Variants in IRAK3 observed in about 807,000 individuals in gnomAD.
The protein encoded by IRAK3 is interleukin-1 receptor-associated kinase 3.
A neutral mutation model predicts 56.6 loss-of-function variants in IRAK3; 57 were observed. The ratio of observed to expected loss-of-function variants is 1.01; its 90% CI spans 0.81 to 1.26. The LOEUF (loss-of-function observed/expected upper bound fraction) is 1.26, where lower values mean the gene tolerates loss of function less well. Among genes scored for constraint, IRAK3 ranks in the 50% most tolerant of loss-of-function variants. The pLI is 0.00. For missense variants in IRAK3, 703 were observed against 719.0 expected (o/e 0.98, Z 0.25); for synonymous variants, 258 against 255.7 (o/e 1.01, Z -0.09).
At chr12:66,211,370 C>G in intron 4 of IRAK3, 76 bp from the exon 5 acceptor site, 1 of 1,134,916 alleles carries the variant, frequency 8.8e-7, no homozygotes, top group East Asian at 2.4e-5. Context: ...TGATTTGTTT[C>G]TAATATAGAA....
chr12:66,196,278 ATGTCTATTAAAAACCTTGTTGGGT>A (rs1273201564), intron 1 of IRAK3, among the ~76,000 whole-genome samples: 1 of 152,134 alleles, frequency 6.6e-6, no homozygotes, highest in Non-Finnish European at 1.5e-5. Flanking sequence ...GAATCAACAA[ATGTCTATTAAAAACCTTGTTGGGT>A]TGTCTATTAA....
intron 8 of IRAK3, chr12:66,233,979 T>G: frequency 7.1e-7 from 1 of 1,406,806 alleles, no homozygotes; most frequent in East Asian, 2.3e-5. Context: ...AAATTGTCAA[T>G]AATTTCCTAA....
chr12:66,203,760 T>C lies in IRAK3; in HGVS notation c.183T>C (p.Tyr61=). The C allele has an allele frequency of 6.2e-7, 1 of 1,614,124 alleles. No homozygotes were observed. Among genetic ancestry groups the C allele is most frequent in the Non-Finnish European group, 8.5e-7 (1 of 1,179,988 alleles). The change falls in exon 2 of 12, where the codon TAT becomes TAC. Residue 61 remains tyrosine, a synonymous_variant. Coordinates refer to ENST00000261233, the MANE Select transcript of IRAK3 (RefSeq NM_007199.3). The part of the protein sequence containing the change: ...SWLDVRHIEK[Y]VDQGKSGTRE... ...TGGATGTTCGTCATATTGAAAAGTATGTAGACCAAGGTAAAAGTGGAACAA... is the reference window on the plus strand; with the variant it reads ...TGGATGTTCGTCATATTGAAAAGTACGTAGACCAAGGTAAAAGTGGAACAA...
chr12:66,191,848 T>C (rs1194610721), intron 1 of IRAK3, among the ~76,000 whole-genome samples: 1 of 152,316 alleles, frequency 6.6e-6, no homozygotes, highest in Non-Finnish European at 1.5e-5. Flanking sequence ...AGCTTAAATG[T>C]AGAAAACAAC....
intron 7 of IRAK3, 53 bp downstream of exon 7, chr12:66,226,890 A>G: frequency 9.1e-7 from 1 of 1,103,854 alleles, no homozygotes; most frequent in Non-Finnish European, 1.4e-6. Flanking sequence ...AATCCCTGGG[A>G]GAGCTGCTGA....
intron 5 of IRAK3, 136 bp from the exon 6 acceptor site, chr12:66,217,035 T>C: frequency 1.4e-6 from 1 of 720,550 alleles, no homozygotes. Context: ...AAGCTAAATG[T>C]CATCTCCCCA....
At chr12:66,218,139 A>T (rs1431539369) in intron 6 of IRAK3, among the ~76,000 whole-genome samples, 2 of 152,190 alleles carry the variant, frequency 1.3e-5, no homozygotes, top group Non-Finnish European at 1.5e-5. Context: ...TTTCCAAAGT[A>T]ACAGTATTAC....
intron 5 of IRAK3, among the ~76,000 whole-genome samples, chr12:66,215,991 T>A (rs1489372701): frequency 1.3e-5 from 2 of 152,154 alleles, no homozygotes; most frequent in Non-Finnish European, 2.9e-5. Context: ...CTAACTTTAA[T>A]CACCTGGGAA....
chr12:66,235,335 G>C (rs1454766386), intron 8 of IRAK3: 2 of 1,097,058 alleles, frequency 1.8e-6, no homozygotes, highest in East Asian at 5.4e-5. Context: ...GCCTGGGCGC[G>C]GGGCAGCCTC....
intron 8 of IRAK3, among the ~76,000 whole-genome samples, chr12:66,231,487 C>T (rs1384437386): frequency 1.3e-5 from 2 of 152,174 alleles, no homozygotes; most frequent in African/African-American, 2.4e-5. Context: ...ATAGTCTTGT[C>T]CTTGAAGGTT....
chr12:66,242,494 TG>T, intron 8 of IRAK3, among the ~76,000 whole-genome samples: 1 of 151,728 alleles, frequency 6.6e-6, no homozygotes. Context: ...AAAGTAAGAG[TG>T]GGTGAGGAGT....
intron 6 of IRAK3, among the ~76,000 whole-genome samples, chr12:66,223,873 C>T (rs2052760720): frequency 6.6e-6 from 1 of 151,140 alleles, no homozygotes; most frequent in African/African-American, 2.4e-5. Flanking sequence ...AATTTTTGCA[C>T]CAATCTAATA....
At chr12:66,233,519 G>GAA (rs71096082) in intron 8 of IRAK3, among the ~76,000 whole-genome samples, 66,843 of 145,200 alleles carry the variant, frequency 0.46, 18,016 homozygotes, top group Non-Finnish European at 0.59. Flanking sequence ...CTCCGTCTCG[G>GAA]AAAAAAAAAA....
At chr12:66,228,218 A>C (rs774426320) in intron 7 of IRAK3, 34 bp from the exon 8 acceptor site, 3 of 1,487,956 alleles carry the variant, frequency 2.0e-6, no homozygotes, top group Middle Eastern at 1.7e-4. Flanking sequence ...TTACTCAGAA[A>C]GTGCAACCAA....
intron 5 of IRAK3, among the ~76,000 whole-genome samples, chr12:66,214,425 C>T (rs1489165478): frequency 2.6e-5 from 4 of 151,830 alleles, no homozygotes; most frequent in Non-Finnish European, 5.9e-5. Flanking sequence ...CCTGTAGTTC[C>T]AGCTACTCGA....
chr12:66,208,633 G>A lies in IRAK3; in HGVS notation c.317-823G>A, dbSNP rs144506830. 1.4e-3 allele frequency among the ~76,000 whole-genome samples: 208 copies of A among 151,406 alleles called. 2 individuals are homozygous for A. The highest frequency in any genetic ancestry group is 4.7e-3 in the African/African-American group (192 of 41,248). On this transcript the variant is annotated intron_variant, in intron 2 of 11. Transcript: ENST00000261233. ...AAAATTAGCTGTGCATGGTGGCAGG[G>A]GTTTGTAATCCCAGCTACTCAGGAG...
chr12:66,215,790 A>AGGTGCGCGCGCGCGCG lies in IRAK3; in HGVS notation c.589-1381_589-1380insGGTGCGCGCGCGCGCG, dbSNP rs2052668454. 1.6e-3 allele frequency among the ~76,000 whole-genome samples: 166 copies of AGGTGCGCGCGCGCGCG among 103,148 alleles called. 4 individuals are homozygous for AGGTGCGCGCGCGCGCG. The highest frequency in any genetic ancestry group is 5.1e-3 in the Middle Eastern group (1 of 196). The allele number at this position is 103,148 out of a possible 152,430, so 67.7% of individuals were successfully genotyped here. The stretch of plus-strand genomic sequence containing the variant: ...CCCCCTATTTTAACCCAACATGCAC[A>AGGTGCGCGCGCGCGCG]CACACACACACACACACACACACAC... On this transcript the variant is annotated intron_variant, in intron 5 of 11. Coordinates refer to ENST00000261233, the MANE Select transcript of IRAK3 (RefSeq NM_007199.3).
intron 8 of IRAK3, chr12:66,234,490 G>C (rs1358308362): frequency 6.2e-7 from 1 of 1,611,738 alleles, no homozygotes; most frequent in Non-Finnish European, 8.5e-7. Context: ...GATAAAATCC[G>C]TTTTGTATAG....
chr12:66,217,482 T>C (rs2052688967), intron 6 of IRAK3, among the ~76,000 whole-genome samples: 2 of 152,208 alleles, frequency 1.3e-5, no homozygotes, highest in Non-Finnish European at 2.9e-5. Context: ...TTAAATCATG[T>C]GTGACTAACA....
Sources: gnomAD v4.1 joint callset for allele counts (sites outside exome capture counted in the v4.1 genomes callset) on GRCh38, gnomAD v4.1.1 for gene constraint, MANE v1.5 for transcripts, NCBI Gene and HGNC (gene_info 2026-07-23, HGNC 2026-07-21) for gene names.